The following CNTNAP2 variants were observed in gnomAD, a reference collection of about 807,000 sequenced individuals.
CNTNAP2 encodes contactin-associated protein-like 2.
A neutral mutation model predicts 155.2 loss-of-function variants in CNTNAP2; 98 were observed. The ratio of observed to expected loss-of-function variants is 0.63; its 90% CI spans 0.54 to 0.75. The LOEUF is 0.75. CNTNAP2 is among the 30% of genes least tolerant of loss of function. The pLI is 0.00. For missense variants in CNTNAP2, 1,727 were observed against 1,688.1 expected (o/e 1.02, Z -0.40); for synonymous variants, 651 against 631.2 (o/e 1.03, Z -0.47).
chr7:146,796,753 G>A (rs1419341936), intron 2 of CNTNAP2, among the ~76,000 whole-genome samples: 2 of 151,958 alleles, frequency 1.3e-5, no homozygotes, highest in African/African-American at 4.8e-5. Context: ...TAATAATGCT[G>A]ACTACCTTAT....
At chr7:146,302,643 G>C (rs1486138354) in intron 1 of CNTNAP2, among the ~76,000 whole-genome samples, 2 of 152,022 alleles carry the variant, frequency 1.3e-5, no homozygotes, top group African/African-American at 4.8e-5. Flanking sequence ...GTTAGAGGCC[G>C]AACTCTTAAA....
At chr7:146,969,012 C>G (rs1436931595) in intron 3 of CNTNAP2, among the ~76,000 whole-genome samples, 10 of 149,534 alleles carry the variant, frequency 6.7e-5, no homozygotes, top group Non-Finnish European at 5.9e-5. Context: ...TATGTTCTGT[C>G]TTTGTTCTCG....
At chr7:146,358,417 G>A (rs1430147417) in intron 1 of CNTNAP2, among the ~76,000 whole-genome samples, 2 of 152,168 alleles carry the variant, frequency 1.3e-5, no homozygotes, top group Non-Finnish European at 2.9e-5. Flanking sequence ...AGAAACACCT[G>A]TCTAAAAGAT....
At chr7:147,554,470 G>T (rs964147925) in intron 11 of CNTNAP2, among the ~76,000 whole-genome samples, 1 of 152,100 alleles carries the variant, frequency 6.6e-6, no homozygotes, top group African/African-American at 2.4e-5. Flanking sequence ...ATGGGGAAGG[G>T]AGAGAGTAGA....
intron 9 of CNTNAP2, among the ~76,000 whole-genome samples, chr7:147,371,457 C>T (rs1213782823): frequency 6.6e-6 from 1 of 152,178 alleles, no homozygotes; most frequent in Non-Finnish European, 1.5e-5. Context: ...TTTACTTTAA[C>T]TCTTAGCCTT....
At chr7:147,442,308 T>C (rs1450955435) in intron 10 of CNTNAP2, among the ~76,000 whole-genome samples, 1 of 152,202 alleles carries the variant, frequency 6.6e-6, no homozygotes, top group African/African-American at 2.4e-5. Context: ...CCTCAGTGAA[T>C]ACTTCCAGCC....
intron 9 of CNTNAP2, among the ~76,000 whole-genome samples, chr7:147,346,597 T>C (rs893842859): frequency 6.6e-6 from 1 of 152,232 alleles, no homozygotes; most frequent in Non-Finnish European, 1.5e-5. Flanking sequence ...TGCAAATGAG[T>C]TGTGTGAATG....
Position 146,285,270 on chromosome 7 carries a change from A to G in CNTNAP2, c.97+168297A>G, listed in dbSNP as rs1800308157. 2.0e-5 allele frequency among the ~76,000 whole-genome samples: 3 copies of G among 152,174 alleles called. No individual in the cohort carries two copies. In the South Asian group the frequency reaches 6.2e-4, roughly 32 times the overall value. ...AAACAATAATCTAAAATGAGTTTTG[A>G]AAAGAGGTATAATATAAATCCTTAA... On this transcript the variant is annotated intron_variant, in intron 1 of 23. Coordinates refer to ENST00000361727, the MANE Select transcript of CNTNAP2 (RefSeq NM_014141.6).
At chr7:148,159,245 T>C (rs1805465524) in intron 17 of CNTNAP2, among the ~76,000 whole-genome samples, 1 of 152,186 alleles carries the variant, frequency 6.6e-6, no homozygotes, top group Non-Finnish European at 1.5e-5. Flanking sequence ...TATTACGTTT[T>C]TTCTTCACCA....
chr7:148,406,873 A>T, intron 22 of CNTNAP2, among the ~76,000 whole-genome samples: 1 of 152,230 alleles, frequency 6.6e-6, no homozygotes. Flanking sequence ...TTCATAACTG[A>T]AACCACATCC....
chr7:146,975,184 G>C (rs904793762), intron 3 of CNTNAP2, among the ~76,000 whole-genome samples: 3 of 152,026 alleles, frequency 2.0e-5, no homozygotes, highest in African/African-American at 7.2e-5. Flanking sequence ...GTAGCTCACG[G>C]CTGGGCGCGT....
intron 18 of CNTNAP2, among the ~76,000 whole-genome samples, chr7:148,184,162 G>A (rs1233689272): frequency 1.3e-5 from 2 of 152,114 alleles, no homozygotes; most frequent in African/African-American, 4.8e-5. Context: ...ACCAGGCACG[G>A]TGGCTCATGC....
intron 1 of CNTNAP2, among the ~76,000 whole-genome samples, chr7:146,339,472 A>G (rs1801336607): frequency 6.6e-6 from 1 of 152,194 alleles, no homozygotes; most frequent in Non-Finnish European, 1.5e-5. Context: ...ATATTCATAG[A>G]GGAGGCTGAA....
intron 13 of CNTNAP2, among the ~76,000 whole-genome samples, chr7:147,654,804 A>ATTTT (rs1795500468): frequency 1.4e-4 from 15 of 104,006 alleles, no homozygotes; most frequent in African/African-American, 4.8e-4. Context: ...AGCAAAATAT[A>ATTTT]TTTCTTTTTT....
chr7:147,613,319 T>C (rs1221978251), intron 12 of CNTNAP2, among the ~76,000 whole-genome samples: 1 of 152,214 alleles, frequency 6.6e-6, no homozygotes, highest in East Asian at 1.9e-4. Context: ...TCTTGCCTAT[T>C]TTTCTTTTGC....
intron 1 of CNTNAP2, among the ~76,000 whole-genome samples, chr7:146,564,780 C>CT (rs1486495132): frequency 1.3e-5 from 2 of 151,398 alleles, no homozygotes; most frequent in East Asian, 3.9e-4. Context: ...TCTTTCTTTC[C>CT]TTCTCATTTC....
At chr7:148,115,975 C>T (rs1361904468) in intron 15 of CNTNAP2, among the ~76,000 whole-genome samples, 3 of 151,948 alleles carry the variant, frequency 2.0e-5, no homozygotes, top group Middle Eastern at 3.4e-3. Context: ...CCCGTCTCTA[C>T]TAAAAATACA....
intron 21 of CNTNAP2, among the ~76,000 whole-genome samples, chr7:148,315,240 G>A (rs1797667475): frequency 6.6e-6 from 1 of 152,168 alleles, no homozygotes; most frequent in Non-Finnish European, 1.5e-5. Context: ...CACCAAACAG[G>A]CTTTGTGTGA....
At chr7:148,167,040 A>G (rs1805680682) in intron 17 of CNTNAP2, among the ~76,000 whole-genome samples, 1 of 152,224 alleles carries the variant, frequency 6.6e-6, no homozygotes, top group African/African-American at 2.4e-5. Context: ...TACCTAAGCA[A>G]GAAAAGAGCC....
Sources: gnomAD v4.1 joint callset for allele counts (sites outside exome capture counted in the v4.1 genomes callset) on GRCh38, gnomAD v4.1.1 for gene constraint, MANE v1.5 for transcripts, NCBI Gene and HGNC (gene_info 2026-07-23, HGNC 2026-07-21) for gene names.